The following ZC3H13 variants were observed in gnomAD, a reference collection of about 807,000 sequenced individuals.
ZC3H13 encodes the protein zinc finger CCCH-type containing 13.
In ZC3H13, 64 loss-of-function variants were observed where a neutral mutation model predicts 204.1. The ratio of observed to expected loss-of-function variants is 0.31; its 90% confidence interval spans 0.26 to 0.39. ZC3H13 has a LOEUF of 0.39. Ranked by LOEUF, ZC3H13 falls within the 10% of genes least tolerant of loss-of-function variation. The pLI is 1.00. For missense variants in ZC3H13, 1,833 were observed against 2,082.7 expected, an observed-to-expected ratio of 0.88 and a Z score of 2.33; for synonymous variants, 667 against 693.7, an observed-to-expected ratio of 0.96 and a Z score of 0.60.
intron 8 of ZC3H13, among the ~76,000 whole-genome samples, chr13:45,999,232 G>C (rs1297754318): frequency 2.6e-5 from 4 of 152,110 alleles, no homozygotes; most frequent in Non-Finnish European, 4.4e-5. Context: ...GTAATAGCGA[G>C]ACACAGTGAG....
intron 4 of ZC3H13, among the ~76,000 whole-genome samples, chr13:46,027,008 A>G (rs1219568301): frequency 6.6e-6 from 1 of 152,224 alleles, no homozygotes; most frequent in African/African-American, 2.4e-5. Flanking sequence ...CTAAACAAGA[A>G]AAAAGGGAGA....
intron 4 of ZC3H13, among the ~76,000 whole-genome samples, chr13:46,033,037 A>G (rs1324903626): frequency 6.6e-6 from 1 of 152,204 alleles, no homozygotes; most frequent in East Asian, 1.9e-4. Flanking sequence ...AAAACTAATA[A>G]ATGTGGTTAC....
chr13:45,986,213 G>T (rs1954176799), intron 9 of ZC3H13, among the ~76,000 whole-genome samples: 1 of 152,230 alleles, frequency 6.6e-6, no homozygotes, highest in East Asian at 1.9e-4. Flanking sequence ...CTAGCTGGTT[G>T]AGTGATACTA....
chr13:45,962,245 A>T, intron 17 of ZC3H13: 2 of 985,418 alleles, frequency 2.0e-6, no homozygotes, highest in Non-Finnish European at 2.4e-6. Flanking sequence ...CCACCATAGC[A>T]GCAAAAATAG....
chr13:46,042,098 A>C (rs1411386969), intron 4 of ZC3H13, 66 bp downstream of exon 4: 2 of 1,241,850 alleles, frequency 1.6e-6, no homozygotes, highest in East Asian at 4.6e-5. Context: ...CACAATATTT[A>C]AAATGAAACT....
chr13:45,959,614 C>T lies in ZC3H13; in HGVS notation c.4708G>A (p.Ala1570Thr), dbSNP rs1307513160. The change falls in exon 18 of 19, where the codon GCT becomes ACT. Residue 1570 changes from alanine to threonine, a missense_variant. This residue lies in a region of ZC3H13 where 211 missense variants were observed against 228.4 expected (regional missense o/e 0.92). Transcript: ENST00000679008. The part of the protein sequence containing the change: ...ADNLFEHELG[A>T]LNMAALLRKE... Reference sequence around the variant, plus strand: ...CGTAGTAATGCAGCCATATTGAGAGCCCCCAATTCATGTTCAAAGAGATTG... The same window carrying T: ...CGTAGTAATGCAGCCATATTGAGAGTCCCCAATTCATGTTCAAAGAGATTG... 2.6e-6 allele frequency: 4 copies of T among 1,539,536 alleles called. No individual in the cohort carries two copies. Among genetic ancestry groups the T allele is most frequent in the South Asian group, 1.2e-5 (1 of 82,116 alleles).
In ZC3H13 at chr13:45,985,405, T is replaced by C; in HGVS notation, c.1612A>G (p.Ser538Gly). 1.2e-6 allele frequency: 2 copies of C among 1,614,226 alleles called. No homozygotes were observed. Among genetic ancestry groups the C allele is most frequent in the East Asian group, 2.2e-5 (1 of 44,890 alleles). Residue 538 changes from serine to glycine, a missense_variant, in exon 10 of 19, where the codon AGT becomes GGT. This residue lies in a region of ZC3H13 where 1,574 missense variants were observed against 1,757.2 expected (regional missense o/e 0.90). Transcript: ENST00000679008. ...SYGRNHLREE[S>G]SRTEIRNESR... ...TCATTCCTTATTTCCGTACGAGAAC[T>C]TTCTTCTCTCAAATGGTTTCGGCCA...
chr13:46,041,264 T>C (rs2043560804), intron 4 of ZC3H13, among the ~76,000 whole-genome samples: 1 of 152,126 alleles, frequency 6.6e-6, no homozygotes, highest in South Asian at 2.1e-4. Flanking sequence ...AATAAAATAC[T>C]GATGCATCCC....
chr13:45,999,036 A>C (rs6561279), intron 8 of ZC3H13, among the ~76,000 whole-genome samples: 1 of 152,202 alleles, frequency 6.6e-6, no homozygotes, highest in South Asian at 2.1e-4. Flanking sequence ...CCAGGAGTTC[A>C]AGATCAGTCT....
intron 7 of ZC3H13, 79 bp downstream of exon 7, chr13:46,010,269 C>G (rs1030538427): frequency 7.6e-7 from 1 of 1,319,864 alleles, no homozygotes; most frequent in African/African-American, 1.5e-5. Flanking sequence ...CTAAAAGTAC[C>G]CTTTTATAAC....
At chr13:46,017,174 A>G (rs1483667648) in intron 5 of ZC3H13, among the ~76,000 whole-genome samples, 1 of 152,172 alleles carries the variant, frequency 6.6e-6, no homozygotes, top group African/African-American at 2.4e-5. Context: ...TGAGAAAAGA[A>G]GATGGCTAGG....
intron 12 of ZC3H13, among the ~76,000 whole-genome samples, chr13:45,972,757 CA>C (rs1952692092): frequency 6.6e-6 from 1 of 152,154 alleles, no homozygotes; most frequent in Non-Finnish European, 1.5e-5. Flanking sequence ...CCCCATTTTT[CA>C]TATCTAATGA....
At chr13:46,020,236 A>T (rs953558747) in intron 5 of ZC3H13, among the ~76,000 whole-genome samples, 7 of 152,162 alleles carry the variant, frequency 4.6e-5, no homozygotes, top group African/African-American at 1.7e-4. Context: ...CTAGGAAGGG[A>T]AAATAAAAAT....
chr13:45,989,836 C>G (rs1401776608), intron 8 of ZC3H13, among the ~76,000 whole-genome samples: 2 of 152,128 alleles, frequency 1.3e-5, no homozygotes, highest in Non-Finnish European at 2.9e-5. Context: ...TCTATTATAC[C>G]TGGGTCCTGT....
chr13:46,001,142 G>C (rs1037588049), intron 8 of ZC3H13: 1 of 152,166 alleles, frequency 6.6e-6, no homozygotes, highest in Non-Finnish European at 1.5e-5. Flanking sequence ...AAGAATTACA[G>C]AGACACAAAG....
chr13:45,975,394 C>T lies in ZC3H13; in HGVS notation c.2357G>A (p.Arg786His), dbSNP rs552113775. 6 of 1,614,032 alleles carry T rather than the reference C, an allele frequency of 3.7e-6. No individual in the cohort carries two copies. Among genetic ancestry groups the T allele is most frequent in the Admixed American group, 1.7e-5 (1 of 59,996 alleles). The change falls in exon 12 of 19, where the codon CGC (arginine) becomes CAC (histidine). Residue 786 changes from arginine to histidine, a missense_variant. By Grantham distance (29) the Arg-to-His change is conservative (BLOSUM62 0). This residue lies in a region of ZC3H13 where 1,574 missense variants were observed against 1,757.2 expected (regional missense o/e 0.90). Coordinates refer to ENST00000679008, the MANE Select transcript of ZC3H13 (RefSeq NM_001330564.2). ...GTCTTTGTCTTCCCAATCCCTTTGGCGTTCTCGTTCTTTATCCCTTTCTCT... is the reference window on the plus strand; with the variant it reads ...GTCTTTGTCTTCCCAATCCCTTTGGTGTTCTCGTTCTTTATCCCTTTCTCT... ...RARERDKERE[R>H]QRDWEDKDKG...
rs766591282 is a variant in ZC3H13 at position 45,969,441 on chromosome 13, G to A, written c.3103C>T (p.Pro1035Ser). The change falls in exon 14 of 19, where the codon CCT becomes TCT. Residue 1035 changes from proline to serine, a missense_variant. By Grantham distance (74) the Pro-to-Ser change is moderately conservative. Around this residue, in one of 5 missense-constraint regions of ZC3H13, gnomAD observed 1,574 missense variants for 1,757.2 expected, o/e 0.90. Transcript: ENST00000679008. ...ACCAATTCCTCTTTAGTTGTTATAG[G>A]GGGAGTCCGTGGGCCTCTTTTCTTC... is the stretch of plus-strand genomic sequence containing the variant. The part of the protein sequence containing the change: ...SKKKRGPRTP[P>S]ITTKEELVEM... 5.6e-6 allele frequency: 9 copies of A among 1,613,840 alleles called. No homozygotes were observed. Among genetic ancestry groups the A allele is most frequent in the Admixed American group, 5.0e-5 (3 of 59,970 alleles).
rs1351900678 is a variant in ZC3H13, at chr13:45,975,768, C to T, written c.1983G>A (p.Glu661=). 6.2e-7 allele frequency: 1 copy of T among 1,613,834 alleles called. No individual in the cohort carries two copies. The highest frequency in any genetic ancestry group is 8.5e-7 in the Non-Finnish European group (1 of 1,179,932). The change falls in exon 12 of 19, where the codon GAG becomes GAA. Residue 661 remains glutamate (E), a synonymous_variant. Transcript: ENST00000679008. ...NDELERDERR[E]ERRVDRVDDR... ...CATCCACTCTGTCTACTCTTCGTTCCTCTCTTCTTTCATCACGCTCAAGCT... is the reference window on the plus strand; with the variant it reads ...CATCCACTCTGTCTACTCTTCGTTCTTCTCTTCTTTCATCACGCTCAAGCT...
chr13:45,978,661 T>C (rs375796085), intron 11 of ZC3H13, among the ~76,000 whole-genome samples: 1 of 151,932 alleles, frequency 6.6e-6, no homozygotes, highest in Non-Finnish European at 1.5e-5. Flanking sequence ...AACCATAAGA[T>C]TGAAACCAAA....
Sources: gnomAD v4.1 joint callset for allele counts (sites outside exome capture counted in the v4.1 genomes callset) on GRCh38, gnomAD v4.1.1 for gene constraint, gnomAD v4.1.1 regional missense constraint, MANE v1.5 for transcripts, NCBI Gene and HGNC (gene_info 2026-07-23, HGNC 2026-07-21) for gene names.